DOCK1: variants seen among roughly 807,000 people sequenced by gnomAD.
DOCK1 encodes the protein dedicator of cytokinesis 1.
In DOCK1, 138 loss-of-function variants were observed where a neutral mutation model predicts 262.7. The observed-to-expected ratio is 0.53, with a 90% confidence interval of 0.46 to 0.61. DOCK1 has a LOEUF of 0.61. Ranked by LOEUF, DOCK1 falls within the 20% of genes least tolerant of loss-of-function variation. The pLI, the probability that DOCK1 is intolerant of heterozygous loss-of-function variation, is 0.00. For synonymous variants in DOCK1, 866 were observed against 867.4 expected (o/e 1.00, Z 0.03); for missense variants, 1,908 against 2,370.7 (o/e 0.80, Z 4.05).
chr10:127,165,202 A>G (rs1430062891), intron 27 of DOCK1, among the ~76,000 whole-genome samples: 1 of 152,156 alleles, frequency 6.6e-6, no homozygotes. Context: ...ATATCCACAG[A>G]GTCTTTTATC....
intron 28 of DOCK1, among the ~76,000 whole-genome samples, chr10:127,248,812 C>T (rs1271512500): frequency 2.0e-5 from 3 of 152,182 alleles, no homozygotes; most frequent in African/African-American, 7.2e-5. Flanking sequence ...CCCTGGGCCA[C>T]ACAGCAGGAG....
chr10:126,920,562 A>G (rs2033080623), intron 1 of DOCK1, among the ~76,000 whole-genome samples: 1 of 152,234 alleles, frequency 6.6e-6, no homozygotes, highest in South Asian at 2.1e-4. Flanking sequence ...AAAGTATATA[A>G]TATATATGCT....
chr10:127,330,406 C>G (rs1299019252), intron 29 of DOCK1, among the ~76,000 whole-genome samples: 1 of 140,400 alleles, frequency 7.1e-6, no homozygotes, highest in Non-Finnish European at 1.5e-5. Context: ...ATGGCTACAT[C>G]AGAAAAAAAA....
chr10:127,400,227 A>G (rs998096111), intron 38 of DOCK1, among the ~76,000 whole-genome samples: 2 of 150,944 alleles, frequency 1.3e-5, no homozygotes, highest in African/African-American at 2.4e-5. Flanking sequence ...CGTGGCTATG[A>G]CAAGAGTACT....
At chr10:127,083,813 A>G (rs949585091) in intron 23 of DOCK1, among the ~76,000 whole-genome samples, 1 of 152,206 alleles carries the variant, frequency 6.6e-6, no homozygotes, top group Non-Finnish European at 1.5e-5. Flanking sequence ...CCCCCTTAGT[A>G]TATTATGGCA....
chr10:127,125,615 C>G lies in DOCK1; in HGVS notation c.2751+14C>G, dbSNP rs772770451. The G allele has an allele frequency of 9.3e-6, 15 of 1,609,016 alleles. No homozygotes were observed. Among genetic ancestry groups the G allele is most frequent in the African/African-American group, 1.3e-5 (1 of 74,858 alleles). On this transcript the variant is annotated intron_variant, in intron 26 of 51. Coordinates refer to ENST00000623213, the MANE Select transcript of DOCK1 (RefSeq NM_001290223.2). ...AGGAAGGACGTGGTGAGTGTTGGCTCTGTGCGTGACGTCCTGCCATTTGCC... is the reference window on the plus strand; with the variant it reads ...AGGAAGGACGTGGTGAGTGTTGGCTGTGTGCGTGACGTCCTGCCATTTGCC...
intron 27 of DOCK1, among the ~76,000 whole-genome samples, chr10:127,173,984 C>T (rs1383869486): frequency 6.6e-6 from 1 of 152,218 alleles, no homozygotes; most frequent in East Asian, 1.9e-4. Context: ...CAGGACCTGC[C>T]CCAGCCTCTC....
chr10:127,318,675 G>A (rs1350206752), intron 29 of DOCK1, among the ~76,000 whole-genome samples: 1 of 152,206 alleles, frequency 6.6e-6, no homozygotes, highest in African/African-American at 2.4e-5. Flanking sequence ...TTTTGATTAT[G>A]TGTGGACTTT....
intron 33 of DOCK1, among the ~76,000 whole-genome samples, chr10:127,371,368 C>T (rs2065200265): frequency 6.6e-6 from 1 of 152,194 alleles, no homozygotes. Flanking sequence ...CACTCATCCA[C>T]CTTTGTTGGA....
At chr10:126,947,023 AGATG>A (rs2035468301) in intron 1 of DOCK1, among the ~76,000 whole-genome samples, 1 of 152,118 alleles carries the variant, frequency 6.6e-6, no homozygotes, top group African/African-American at 2.4e-5. Flanking sequence ...GACTGGGGAG[AGATG>A]CGGTCCAAGG....
At chr10:127,232,613 C>G (rs2058892832) in intron 27 of DOCK1, among the ~76,000 whole-genome samples, 1 of 152,152 alleles carries the variant, frequency 6.6e-6, no homozygotes. Flanking sequence ...GAACAAATGC[C>G]TCCTGTTGAC....
chr10:127,299,279 A>G lies in DOCK1; in HGVS notation c.3045-39727A>G, dbSNP rs1041358109. On this transcript the variant is annotated intron_variant, in intron 29 of 51. Transcript: ENST00000623213. ...ACACCTGGCTAATTTTTTTGCATGT[A>G]TTTTGGTAGATACAGGGTTTCACCA... 5.9e-5 allele frequency among the ~76,000 whole-genome samples: 9 copies of G among 152,082 alleles called. No individual in the cohort carries two copies. In the East Asian group the frequency reaches 1.7e-3, roughly 29 times the overall value.
intron 32 of DOCK1, among the ~76,000 whole-genome samples, chr10:127,355,399 G>A (rs2064096986): frequency 6.6e-6 from 1 of 152,070 alleles, no homozygotes; most frequent in Non-Finnish European, 1.5e-5. Flanking sequence ...TACCCTCTAG[G>A]AATCTGGCCT....
intron 22 of DOCK1, among the ~76,000 whole-genome samples, chr10:127,060,150 C>G (rs1445936545): frequency 1.3e-5 from 2 of 152,068 alleles, no homozygotes; most frequent in South Asian, 2.1e-4. Flanking sequence ...GGTGCAAATT[C>G]CACTTTGCTT....
chr10:127,059,048 T>C (rs973828651), intron 22 of DOCK1, among the ~76,000 whole-genome samples: 1 of 152,194 alleles, frequency 6.6e-6, no homozygotes. Flanking sequence ...GAAAATGATT[T>C]ATTTCATCTT....
chr10:127,011,047 A>T (rs1469022418), intron 11 of DOCK1, among the ~76,000 whole-genome samples: 1 of 152,206 alleles, frequency 6.6e-6, no homozygotes, highest in East Asian at 1.9e-4. Flanking sequence ...GTTGTTTGAG[A>T]TTGCCTGTGC....
At chr10:127,397,351 T>C (rs2066943096) in intron 38 of DOCK1, among the ~76,000 whole-genome samples, 1 of 151,672 alleles carries the variant, frequency 6.6e-6, no homozygotes, top group Admixed American at 6.6e-5. Context: ...GTGTCTCCTA[T>C]GTGATCTGAG....
chr10:127,296,685 G>A (rs1177577326), intron 29 of DOCK1, among the ~76,000 whole-genome samples: 4 of 152,184 alleles, frequency 2.6e-5, no homozygotes, highest in Non-Finnish European at 5.9e-5. Flanking sequence ...CTGGTCTAGT[G>A]GGTTGCACAG....
chr10:127,136,662 G>C (rs2050728151), intron 27 of DOCK1: 1 of 152,614 alleles, frequency 6.6e-6, no homozygotes, highest in East Asian at 1.9e-4. Flanking sequence ...AATCAAGAGA[G>C]AACTCTAAGT....
Sources: gnomAD v4.1 joint callset for allele counts (sites outside exome capture counted in the v4.1 genomes callset) on GRCh38, gnomAD v4.1.1 for gene constraint, MANE v1.5 for transcripts, NCBI Gene and HGNC (gene_info 2026-07-23, HGNC 2026-07-21) for gene names.